ARHGAP35: variants seen among roughly 807,000 people sequenced by gnomAD.
The protein encoded by ARHGAP35 is rho GTPase-activating protein 35.
Under a neutral mutation model 111.1 loss-of-function variants are expected in ARHGAP35, and 15 were observed. The observed-to-expected ratio is 0.13, with a 90% confidence interval of 0.09 to 0.21. The LOEUF (loss-of-function observed/expected upper bound fraction) is 0.21. Among genes scored for constraint, ARHGAP35 ranks in the 10% least tolerant of loss-of-function variants. The pLI is 1.00. For synonymous variants in ARHGAP35, 643 were observed against 710.3 expected, an observed-to-expected ratio of 0.91 and a Z score of 1.51; for missense variants, 1,262 against 1,873.0, an observed-to-expected ratio of 0.67 and a Z score of 6.02.
Position 46,994,732 on chromosome 19 carries a change from T to C in ARHGAP35, c.4037-4572T>C, listed in dbSNP as rs899613174. Among the ~76,000 whole-genome samples, 2 of 152,036 alleles carry C rather than the reference T, an allele frequency of 1.3e-5. No individual in the cohort carries two copies. Among genetic ancestry groups the C allele is most frequent in the African/African-American group, 4.8e-5 (2 of 41,402 alleles). On this transcript the variant is annotated intron_variant, in intron 5 of 6. Transcript: ENST00000672722. The surrounding 1 kb of genome is among the most constrained non-coding windows in gnomAD (Gnocchi z 5.4). ...AGACCGTAAGCGGCAGGGAATTTGGTTTTTGTCCCCTACTGCATCCCCAGT... is the reference window on the plus strand; with the variant it reads ...AGACCGTAAGCGGCAGGGAATTTGGCTTTTGTCCCCTACTGCATCCCCAGT...
At chr19:46,979,296 G>A (rs1180223668) in intron 3 of ARHGAP35, among the ~76,000 whole-genome samples, 2 of 152,106 alleles carry the variant, frequency 1.3e-5, no homozygotes, top group Non-Finnish European at 2.9e-5. Flanking sequence ...GCATGAAGAC[G>A]TCTCACGTTC....
intron 5 of ARHGAP35, among the ~76,000 whole-genome samples, chr19:46,997,239 CCA>C (rs2056715756): frequency 6.6e-6 from 1 of 152,134 alleles, no homozygotes; most frequent in African/African-American, 2.4e-5. Flanking sequence ...TGCTCATAGC[CCA>C]ATAACTAGCT....
At chr19:46,907,502 G>GTTTT (rs2056116044) in intron 1 of ARHGAP35, among the ~76,000 whole-genome samples, 2 of 147,668 alleles carry the variant, frequency 1.4e-5, no homozygotes, top group South Asian at 4.3e-4. Flanking sequence ...TTGTTTGTTT[G>GTTTT]TTTTTTGAGA....
Position 46,885,906 on chromosome 19 carries a change from A to G in ARHGAP35, c.-189+24697A>G, listed in dbSNP as rs1336857255. 3.9e-5 allele frequency among the ~76,000 whole-genome samples: 6 copies of G among 152,308 alleles called. No homozygotes were observed. The East Asian group carries it at 1.2e-3, about 29-fold the overall frequency. On this transcript the variant is annotated intron_variant, in intron 1 of 6. Transcript: ENST00000672722. ...CTCAGGCTCCTGAGTAGCTGGGGCT[A>G]CAAGTGTGTGCCACTGCACCCAGCT...
In ARHGAP35 at chr19:46,921,997, C is replaced by T. The variant is rs1186769217; in HGVS notation, c.3322C>T (p.Pro1108Ser). 1 of 1,613,946 alleles carries T rather than the reference C, an allele frequency of 6.2e-7. No homozygotes were observed. Among genetic ancestry groups the T allele is most frequent in the Admixed American group, 1.7e-5 (1 of 60,018 alleles). The change falls in exon 2 of 7, where the codon CCC (proline) becomes TCC (serine). Residue 1108 changes from proline (P) to serine (S), a missense_variant. Around this residue, in one of 8 missense-constraint regions of ARHGAP35, gnomAD observed 579 missense variants for 716.9 expected, o/e 0.81. Coordinates refer to ENST00000672722, the MANE Select transcript of ARHGAP35 (RefSeq NM_004491.5). This position sits in a 1 kb window ranked among gnomAD's most constrained non-coding sequence, Gnocchi z 4.3. ...TGAAGAAGAAAACATATACTCCGTG[C>T]CCCATGACAGCACCCAAGGCAAAAT... ...RNEEENIYSV[P>S]HDSTQGKIIT...
At chr19:46,931,886 C>T (rs746962326) in intron 2 of ARHGAP35, among the ~76,000 whole-genome samples, 2 of 152,202 alleles carry the variant, frequency 1.3e-5, no homozygotes, top group Non-Finnish European at 2.9e-5. Flanking sequence ...CCTTACCTTG[C>T]AGAGTGGTCG....
chr19:46,922,450 T>TAAA lies in ARHGAP35; in HGVS notation c.3681+102_3681+104dup. On this transcript the variant is annotated intron_variant, in intron 2 of 6. Transcript: ENST00000672722. This position sits in a 1 kb window ranked among gnomAD's most constrained non-coding sequence, Gnocchi z 4.0. ...ATTTTTCAAGGACAACCTATTCTGG[T>TAAA]AAAAAAAAAACTGCCCTGTGTGTGT... is the stretch of plus-strand genomic sequence containing the variant. 1 of 1,116,094 alleles carries TAAA rather than the reference T, an allele frequency of 9.0e-7. No homozygotes were observed. Among genetic ancestry groups the TAAA allele is most frequent in the Non-Finnish European group, 1.2e-6 (1 of 847,436 alleles). The allele number at this position is 1,116,094 out of a possible 1,614,324, so 69.1% of individuals were successfully genotyped here.
chr19:46,911,803 C>T (rs1254251157), intron 1 of ARHGAP35, among the ~76,000 whole-genome samples: 1 of 152,114 alleles, frequency 6.6e-6, no homozygotes, highest in Non-Finnish European at 1.5e-5. Context: ...TTGCATATTA[C>T]TAATTAAGGT....
chr19:46,888,288 ATATATATATATATATATATATATATATAT>A (rs2056004352), intron 1 of ARHGAP35, among the ~76,000 whole-genome samples: 4 of 59,294 alleles, frequency 6.7e-5, no homozygotes, highest in African/African-American at 3.4e-4. Flanking sequence ...ATATATATAT[ATATATATATATATATATATATATATATAT>A]AAAATATTGA....
intron 3 of ARHGAP35, among the ~76,000 whole-genome samples, chr19:46,953,566 A>T (rs1031806046): frequency 2.8e-4 from 43 of 152,216 alleles, no homozygotes; most frequent in Admixed American, 2.0e-4. Flanking sequence ...TGTAGAGAAC[A>T]GTCCTCGCCC....
At chr19:46,897,767 G>A (rs1366075044) in intron 1 of ARHGAP35, among the ~76,000 whole-genome samples, 1 of 151,512 alleles carries the variant, frequency 6.6e-6, no homozygotes, top group African/African-American at 2.4e-5. Flanking sequence ...GCTTTGACAA[G>A]GAAGAGGCAA....
chr19:46,976,520 A>G (rs2056580840), intron 3 of ARHGAP35, among the ~76,000 whole-genome samples: 1 of 152,230 alleles, frequency 6.6e-6, no homozygotes, highest in African/African-American at 2.4e-5. Flanking sequence ...CTTCCATCCA[A>G]GACAGAAATA....
rs1370955390 is a variant in ARHGAP35 at position 46,957,343 on chromosome 19, G to A, written c.3826+19935G>A. On this transcript the variant is annotated intron_variant, in intron 3 of 6. Coordinates refer to ENST00000672722, the MANE Select transcript of ARHGAP35 (RefSeq NM_004491.5). ...AGTGTGATTTAAACTGTTAAGTAGG[G>A]CTGGGCACAGTGACCATCCCAGTGC... is the stretch of plus-strand genomic sequence containing the variant. 8.5e-5 allele frequency among the ~76,000 whole-genome samples: 13 copies of A among 152,246 alleles called. 1 individual carries two copies. The East Asian group carries it at 2.5e-3, about 29-fold the overall frequency.
intron 2 of ARHGAP35, among the ~76,000 whole-genome samples, chr19:46,934,916 G>T (rs968380416): frequency 6.6e-6 from 1 of 151,376 alleles, no homozygotes; most frequent in African/African-American, 2.4e-5. Flanking sequence ...CAAGCAATTT[G>T]CCCACCTCAG....
chr19:46,923,582 C>T (rs2056219554), intron 2 of ARHGAP35, among the ~76,000 whole-genome samples: 1 of 151,010 alleles, frequency 6.6e-6, no homozygotes, highest in Non-Finnish European at 1.5e-5. Context: ...AAATACTCTT[C>T]CCCCCCACCC....
chr19:46,895,194 C>T (rs1433248830), intron 1 of ARHGAP35, among the ~76,000 whole-genome samples: 4 of 147,602 alleles, frequency 2.7e-5, no homozygotes, highest in African/African-American at 2.5e-5. Flanking sequence ...GACGGAGTCT[C>T]GCTCTGTCAC....
chr19:46,951,025 C>T (rs999880983), intron 3 of ARHGAP35, among the ~76,000 whole-genome samples: 3 of 152,186 alleles, frequency 2.0e-5, no homozygotes, highest in African/African-American at 4.8e-5. Flanking sequence ...ATGTGGAGCC[C>T]GGCAGCTGTG....
chr19:46,922,456 A>C lies in ARHGAP35; in HGVS notation c.3681+100A>C. On this transcript the variant is annotated intron_variant, in intron 2 of 6. Transcript: ENST00000672722. This position sits in a 1 kb window ranked among gnomAD's most constrained non-coding sequence, Gnocchi z 4.0. Reference sequence around the variant, plus strand: ...CAAGGACAACCTATTCTGGTAAAAAAAAAACTGCCCTGTGTGTGTATTTGA... The same window carrying C: ...CAAGGACAACCTATTCTGGTAAAAACAAAACTGCCCTGTGTGTGTATTTGA... The C allele has an allele frequency of 8.3e-7, 1 of 1,202,266 alleles. No homozygotes were observed. Among genetic ancestry groups the C allele is most frequent in the Middle Eastern group, 2.3e-4 (1 of 4,268 alleles). The allele number at this position is 1,202,266 out of a possible 1,614,324, so 74.5% of individuals were successfully genotyped here.
chr19:46,971,498 T>C (rs971906023), intron 3 of ARHGAP35, among the ~76,000 whole-genome samples: 9 of 151,674 alleles, frequency 5.9e-5, no homozygotes, highest in Admixed American at 2.0e-4. Context: ...TTGTTTCTCT[T>C]TTTTGGGGTT....
Sources: gnomAD v4.1 joint callset for allele counts (sites outside exome capture counted in the v4.1 genomes callset) on GRCh38, gnomAD v4.1.1 for gene constraint, gnomAD v4.1.1 regional missense constraint, Gnocchi (gnomAD v3.1) non-coding constraint, MANE v1.5 for transcripts, NCBI Gene and HGNC (gene_info 2026-07-23, HGNC 2026-07-21) for gene names.